PPP4R1: variants seen among roughly 807,000 people sequenced by gnomAD.
PPP4R1 encodes serine/threonine-protein phosphatase 4 regulatory subunit 1.
PPP4R1 carries 42 observed loss-of-function variants against 111.2 expected under a neutral mutation model. That is an observed-to-expected ratio of 0.38 (90% CI 0.29 to 0.49). PPP4R1 has a LOEUF of 0.49. PPP4R1 is among the 20% of genes least tolerant of loss of function. The pLI is 0.97. For synonymous variants in PPP4R1, 409 were observed against 405.5 expected, an observed-to-expected ratio of 1.01 and a Z score of -0.10; for missense variants, 1,012 against 1,161.6, an observed-to-expected ratio of 0.87 and a Z score of 1.87.
chr18:9,556,337 T>G (rs182998773), intron 15 of PPP4R1, among the ~76,000 whole-genome samples: 28 of 151,560 alleles, frequency 1.8e-4, no homozygotes, highest in Non-Finnish European at 7.4e-5. Flanking sequence ...AGACTACAGG[T>G]GCCTACCACC....
At chr18:9,551,844 C>T (rs1441420324) in intron 16 of PPP4R1, 3 of 152,322 alleles carry the variant, frequency 2.0e-5, no homozygotes, top group African/African-American at 4.8e-5. Flanking sequence ...GGAATACTCA[C>T]ACTAGAAGAC....
chr18:9,575,504 A>G (rs2066922533), intron 10 of PPP4R1, among the ~76,000 whole-genome samples: 1 of 152,212 alleles, frequency 6.6e-6, no homozygotes, highest in African/African-American at 2.4e-5. Flanking sequence ...TCTTTCCCCT[A>G]CCATATCATT....
chr18:9,601,998 G>A (rs2067390970), intron 2 of PPP4R1, among the ~76,000 whole-genome samples: 1 of 152,166 alleles, frequency 6.6e-6, no homozygotes, highest in South Asian at 2.1e-4. Flanking sequence ...GAAGGAAGAT[G>A]ACAAGGGAAA....
At chr18:9,598,033 A>T (rs942053571) in intron 2 of PPP4R1, among the ~76,000 whole-genome samples, 1 of 152,220 alleles carries the variant, frequency 6.6e-6, no homozygotes, top group Non-Finnish European at 1.5e-5. Flanking sequence ...TGAAAAAAAG[A>T]TATGAAAAAT....
At chr18:9,580,670 G>A (rs1315594664) in intron 9 of PPP4R1, among the ~76,000 whole-genome samples, 1 of 152,056 alleles carries the variant, frequency 6.6e-6, no homozygotes, top group East Asian at 1.9e-4. Context: ...TCCTTGTAAC[G>A]CCTCCAGTGA....
chr18:9,614,464 AG>A lies in PPP4R1; in HGVS notation c.7+13del, dbSNP rs1176701072. ...GAGGAGCCGCCGCCGCCCGGAGAAC[AG>A]GGGGCCACGTACCCGCCATCTTGTG... On this transcript the variant is annotated intron_variant, in intron 1 of 19. Coordinates refer to ENST00000400556, the MANE Select transcript of PPP4R1 (RefSeq NM_001042388.3). This position sits in a 1 kb window ranked among gnomAD's most constrained non-coding sequence, Gnocchi z 4.1. The A allele has an allele frequency of 1.7e-5, 17 of 1,029,006 alleles. No individual in the cohort carries two copies. Among genetic ancestry groups the A allele is most frequent in the East Asian group, 1.5e-4 (2 of 12,990 alleles). The allele number at this position is 1,029,006 out of a possible 1,614,324, so 63.7% of individuals were successfully genotyped here.
At chr18:9,577,243 T>C (rs749669572) in intron 9 of PPP4R1, 52 bp from the exon 10 acceptor site, 18 of 1,502,098 alleles carry the variant, frequency 1.2e-5, no homozygotes, top group Admixed American at 8.0e-5. Flanking sequence ...AAAAGAATTA[T>C]ATACGCACAC....
chr18:9,581,285 T>G (rs2067025024), intron 9 of PPP4R1, among the ~76,000 whole-genome samples: 1 of 152,152 alleles, frequency 6.6e-6, no homozygotes, highest in African/African-American at 2.4e-5. Context: ...ATTATAAACA[T>G]GTTCACAGAA....
chr18:9,556,095 A>C (rs970491541), intron 15 of PPP4R1, among the ~76,000 whole-genome samples: 1 of 151,140 alleles, frequency 6.6e-6, no homozygotes, highest in Admixed American at 6.6e-5. Flanking sequence ...TGGGAGGCGG[A>C]GGTTGCAGTG....
At chr18:9,562,218 A>G (rs912747863) in intron 12 of PPP4R1, 143 bp from the exon 13 acceptor site, 1 of 584,582 alleles carries the variant, frequency 1.7e-6, no homozygotes, top group African/African-American at 1.9e-5. Context: ...TTATAAACAT[A>G]CCTAAGAACC....
At chr18:9,558,395 C>G (rs535104148) in intron 14 of PPP4R1, among the ~76,000 whole-genome samples, 1 of 152,150 alleles carries the variant, frequency 6.6e-6, no homozygotes, top group Non-Finnish European at 1.5e-5. Flanking sequence ...ACTGAAAACA[C>G]GAATACACAG....
chr18:9,564,731 TGTGTGTGG>T (rs753034845), intron 11 of PPP4R1, among the ~76,000 whole-genome samples: 806 of 55,762 alleles, frequency 0.014, 5 homozygotes, highest in South Asian at 0.03. Context: ...TGTGTGTGTG[TGTGTGTGG>T]GGGTATCATC....
intron 15 of PPP4R1, among the ~76,000 whole-genome samples, chr18:9,556,802 T>A (rs1042120293): frequency 6.6e-6 from 1 of 152,108 alleles, no homozygotes; most frequent in Non-Finnish European, 1.5e-5. Context: ...CCCAACCAGA[T>A]TGAAAATACA....
At chr18:9,593,965 T>C (rs931317475) in intron 3 of PPP4R1, 91 bp from the exon 4 acceptor site, 1 of 986,780 alleles carries the variant, frequency 1.0e-6, no homozygotes, top group Non-Finnish European at 1.5e-6. Flanking sequence ...CTCATTCCTG[T>C]TGCCCAGGCC....
chr18:9,607,679 G>A (rs767493658), intron 2 of PPP4R1, among the ~76,000 whole-genome samples: 23 of 151,872 alleles, frequency 1.5e-4, no homozygotes, highest in Non-Finnish European at 2.9e-4. Flanking sequence ...CTCACACTAA[G>A]TGTTGACAAT....
At chr18:9,559,033 G>A (rs956680579) in intron 14 of PPP4R1, among the ~76,000 whole-genome samples, 3 of 152,030 alleles carry the variant, frequency 2.0e-5, no homozygotes, top group South Asian at 2.1e-4. Flanking sequence ...GTTCTACTAC[G>A]GTTTCAACAA....
chr18:9,565,201 T>C (rs2066746202), intron 11 of PPP4R1, among the ~76,000 whole-genome samples: 2 of 152,214 alleles, frequency 1.3e-5, no homozygotes, highest in Admixed American at 6.5e-5. Context: ...ATCTTTGATA[T>C]TACTATTGTA....
intron 2 of PPP4R1, among the ~76,000 whole-genome samples, chr18:9,597,764 G>C (rs766912065): frequency 6.6e-5 from 10 of 152,142 alleles, no homozygotes; most frequent in Admixed American, 2.6e-4. Context: ...AAAATAGCTA[G>C]CACTCAACAA....
At chr18:9,593,964 G>A (rs1233452582) in intron 3 of PPP4R1, 90 bp from the exon 4 acceptor site, 1 of 998,798 alleles carries the variant, frequency 1.0e-6, no homozygotes, top group East Asian at 2.5e-5. Flanking sequence ...CCTCATTCCT[G>A]TTGCCCAGGC....
Sources: allele counts gnomAD v4.1 joint callset (sites outside exome capture counted in the v4.1 genomes callset), GRCh38; gene constraint gnomAD v4.1.1; non-coding constraint Gnocchi (gnomAD v3.1); transcripts MANE v1.5; gene names NCBI Gene and HGNC (gene_info 2026-07-23, HGNC 2026-07-21).